The following GXYLT1 variants were observed in gnomAD, a reference collection of about 807,000 sequenced individuals.
GXYLT1 encodes glucoside xylosyltransferase 1.
In GXYLT1, 29 loss-of-function variants were observed where a neutral mutation model predicts 54.0. The observed-to-expected ratio is 0.54, with a 90% CI of 0.40 to 0.73. GXYLT1 has a LOEUF of 0.73. GXYLT1 is among the 30% of genes least tolerant of loss of function. The pLI is 0.00. For missense variants in GXYLT1, 490 were observed against 553.4 expected (o/e 0.89, Z 1.15); for synonymous variants, 176 against 204.1 (o/e 0.86, Z 1.17).
intron 3 of GXYLT1, among the ~76,000 whole-genome samples, chr12:42,112,154 C>T (rs183136959): frequency 3.9e-4 from 60 of 152,220 alleles, no homozygotes; most frequent in African/African-American, 1.4e-3. Flanking sequence ...ACGTCACCAT[C>T]ATCAAAGACC....
At chr12:42,137,689 G>A (rs1208124601) in intron 1 of GXYLT1, among the ~76,000 whole-genome samples, 3 of 143,882 alleles carry the variant, frequency 2.1e-5, no homozygotes, top group Non-Finnish European at 1.5e-5. Context: ...CCCGGGAGGC[G>A]GAGCTTGCCT....
intron 3 of GXYLT1, among the ~76,000 whole-genome samples, chr12:42,111,524 G>C (rs564929727): frequency 1.3e-5 from 2 of 152,348 alleles, no homozygotes; most frequent in Admixed American, 1.3e-4. Context: ...ACGGAGTCTG[G>C]CTCACTGCTA....
chr12:42,131,302 T>C (rs558033080), intron 1 of GXYLT1, among the ~76,000 whole-genome samples: 48 of 152,208 alleles, frequency 3.2e-4, no homozygotes, highest in Non-Finnish European at 3.4e-4. Context: ...TCATTATGAA[T>C]TCAATTATGA....
chr12:42,113,336 C>A (rs2065471067), intron 3 of GXYLT1, among the ~76,000 whole-genome samples: 1 of 151,004 alleles, frequency 6.6e-6, no homozygotes, highest in Non-Finnish European at 1.5e-5. Context: ...CACAGACTGG[C>A]AAATTGGATA....
At chr12:42,132,184 A>T (rs906538625) in intron 1 of GXYLT1, among the ~76,000 whole-genome samples, 3 of 152,314 alleles carry the variant, frequency 2.0e-5, no homozygotes, top group African/African-American at 7.2e-5. Context: ...GTCACTTGTT[A>T]AAAATACAGA....
At chr12:42,111,491 C>T (rs540342222) in intron 3 of GXYLT1, among the ~76,000 whole-genome samples, 3 of 152,376 alleles carry the variant, frequency 2.0e-5, no homozygotes, top group South Asian at 4.1e-4. Context: ...TATCCCTCAC[C>T]TGGCTCAGAG....
intron 5 of GXYLT1, among the ~76,000 whole-genome samples, chr12:42,101,038 T>C (rs920310745): frequency 2.0e-5 from 3 of 150,728 alleles, no homozygotes; most frequent in Non-Finnish European, 4.4e-5. Flanking sequence ...AGGAAAAAAA[T>C]AAAAAGGGAA....
rs150759658 is a variant in GXYLT1 at position 42,112,277 on chromosome 12, G to C, written c.487-2586C>G. Among the ~76,000 whole-genome samples the C allele has an allele frequency of 1.7e-3, 263 of 152,282 alleles. 2 individuals are homozygous for C. The South Asian group carries it at 0.037, about 22-fold the overall frequency. On this transcript the variant is annotated intron_variant, in intron 3 of 7. Transcript: ENST00000398675. ...AGGAATGCAGCTCCTCACCAGCAAT[G>C]GAACAAAGCTAGATGGAGAATGACT...
At chr12:42,128,554 C>T (rs930140969) in intron 2 of GXYLT1, among the ~76,000 whole-genome samples, 3 of 152,272 alleles carry the variant, frequency 2.0e-5, no homozygotes, top group South Asian at 2.1e-4. Context: ...ACTTGTCACA[C>T]TCTATTGTAA....
chr12:42,103,233 A>G (rs1325518571), intron 5 of GXYLT1, among the ~76,000 whole-genome samples: 2 of 152,224 alleles, frequency 1.3e-5, no homozygotes, highest in African/African-American at 4.8e-5. Flanking sequence ...TCTTGGAATT[A>G]CAGGCGTGAG....
chr12:42,087,675 AT>A lies in GXYLT1; in HGVS notation c.*110del. 2 of 753,430 alleles carry A rather than the reference AT, an allele frequency of 2.7e-6. No homozygotes were observed. Among genetic ancestry groups the A allele is most frequent in the Non-Finnish European group, 4.1e-6 (2 of 488,724 alleles). The allele number at this position is 753,430 out of a possible 1,614,324, so 46.7% of individuals were successfully genotyped here. On this transcript the variant is annotated 3_prime_UTR_variant, in exon 8 of 8. Transcript: ENST00000398675. ...ACTTAACTTCTTTAGGAAAAAAAAA[AT>A]TATTCTGGAGATGAGTAATTCCTTC...
At chr12:42,139,946 C>G (rs2065641964) in intron 1 of GXYLT1, among the ~76,000 whole-genome samples, 1 of 151,994 alleles carries the variant, frequency 6.6e-6, no homozygotes, top group African/African-American at 2.4e-5. Context: ...CTTTGGGAAG[C>G]CGAGGTGGGC....
chr12:42,129,955 C>A, intron 1 of GXYLT1, 104 bp from the exon 2 acceptor site: 2 of 671,704 alleles, frequency 3.0e-6, no homozygotes, highest in South Asian at 2.1e-5. Flanking sequence ...TATTTTAAAG[C>A]AAATAAAATT....
chr12:42,123,307 A>G (rs768427870), intron 2 of GXYLT1, among the ~76,000 whole-genome samples: 27 of 152,178 alleles, frequency 1.8e-4, no homozygotes, highest in Admixed American at 4.6e-4. Context: ...TTCTTAGGAG[A>G]TACATGCTGA....
rs910821997 is a variant in GXYLT1 at position 42,085,806 on chromosome 12, G to T, written c.*1980C>A. On this transcript the variant is annotated 3_prime_UTR_variant, in exon 8 of 8. Transcript: ENST00000398675. Reference sequence around the variant, plus strand: ...TGATATCGTGGTATCTACCCAAAGTGTTCACAGCAGTGAAATAACACAATG... The same window carrying T: ...TGATATCGTGGTATCTACCCAAAGTTTTCACAGCAGTGAAATAACACAATG... The T allele has an allele frequency of 1.3e-5, 2 of 151,030 alleles. No individual in the cohort carries two copies. Among genetic ancestry groups the T allele is most frequent in the African/African-American group, 4.9e-5 (2 of 40,970 alleles). The allele number at this position is 151,030 out of a possible 1,614,324, so 9.4% of individuals were successfully genotyped here. A position where few individuals can be genotyped will look rare whatever the true frequency, so the allele number is the denominator to read the frequency against.
chr12:42,136,803 C>G (rs957907272), intron 1 of GXYLT1, among the ~76,000 whole-genome samples: 1 of 152,144 alleles, frequency 6.6e-6, no homozygotes, highest in Non-Finnish European at 1.5e-5. Context: ...AACACACACA[C>G]ACACAAGTCG....
chr12:42,105,725 T>G, intron 5 of GXYLT1, 93 bp downstream of exon 5: 1 of 827,350 alleles, frequency 1.2e-6, no homozygotes, highest in African/African-American at 1.7e-5. Flanking sequence ...TTATTTATAG[T>G]TCAATTTAGT....
At chr12:42,117,503 T>C (rs1252410405) in intron 3 of GXYLT1, among the ~76,000 whole-genome samples, 3 of 152,058 alleles carry the variant, frequency 2.0e-5, no homozygotes, top group Admixed American at 1.3e-4. Context: ...ATTTTTGCAC[T>C]TGACATGCAA....
At chr12:42,111,845 G>A (rs1423919943) in intron 3 of GXYLT1, among the ~76,000 whole-genome samples, 1 of 149,796 alleles carries the variant, frequency 6.7e-6, no homozygotes, top group Non-Finnish European at 1.5e-5. Flanking sequence ...CTCCTCAAGT[G>A]GGGTCCCTGA....
Sources: allele counts gnomAD v4.1 joint callset (sites outside exome capture counted in the v4.1 genomes callset), GRCh38; gene constraint gnomAD v4.1.1; transcripts MANE v1.5; gene names NCBI Gene and HGNC (gene_info 2026-07-23, HGNC 2026-07-21).